The following MRTFA variants were observed in gnomAD, a reference collection of about 807,000 sequenced individuals.
MRTFA encodes myocardin-related transcription factor A.
MRTFA carries 20 observed loss-of-function variants against 83.5 expected under a neutral mutation model. The observed-to-expected ratio is 0.24, with a 90% CI of 0.17 to 0.35. The LOEUF (loss-of-function observed/expected upper bound fraction) is 0.35. Ranked by LOEUF, MRTFA falls within the 10% of genes least tolerant of loss-of-function variation. The pLI, the probability that MRTFA is intolerant of heterozygous loss-of-function variation, is 1.00. For missense variants in MRTFA, 1,200 were observed against 1,224.7 expected (o/e 0.98, Z 0.30); for synonymous variants, 659 against 541.2 (o/e 1.22, Z -3.02).
intron 3 of MRTFA, among the ~76,000 whole-genome samples, chr22:40,520,481 A>T (rs12169894): frequency 6.6e-6 from 1 of 151,840 alleles, no homozygotes; most frequent in Non-Finnish European, 1.5e-5. Flanking sequence ...ATCCCCGTTC[A>T]CTGCAACCTC....
Position 40,418,401 on chromosome 22 carries a change from A to G in MRTFA, c.2337T>C (p.Pro779=). 1.2e-6 allele frequency: 2 copies of G among 1,613,990 alleles called. No homozygotes were observed. Among genetic ancestry groups the G allele is most frequent in the East Asian group, 2.2e-5 (1 of 44,868 alleles). ...GCTGGGGGCTCCCACTGGACAGGCC[A>G]GGGCTGTCTGCATTCTTATTGGTCA... Residue 779 remains proline, a synonymous_variant, in exon 12 of 15, where the codon CCT becomes CCC. Transcript: ENST00000355630.
At position 40,609,482 on chromosome 22, in the gene MRTFA, C is replaced by CAAAAAA. The variant is rs148106089; in HGVS notation, c.-83-14753_-83-14748dup. Among the ~76,000 whole-genome samples, 7 of 69,714 alleles carry CAAAAAA rather than the reference C, an allele frequency of 1.0e-4. No individual in the cohort carries two copies. In the East Asian group the frequency reaches 1.9e-3, roughly 19 times the overall value. The allele number at this position is 69,714 out of a possible 152,430, so 45.7% of individuals were successfully genotyped here. On this transcript the variant is annotated intron_variant, in intron 1 of 14. Coordinates refer to ENST00000355630, the MANE Select transcript of MRTFA (RefSeq NM_020831.6). ...ACAGAGTGAGACCCTGTCTCTTTAA[C>CAAAAAA]AAAAAAAAAAAAAAAAAAAAAACAC...
intron 3 of MRTFA, among the ~76,000 whole-genome samples, chr22:40,540,232 G>A (rs1259932018): frequency 1.2e-4 from 19 of 152,112 alleles, no homozygotes; most frequent in Admixed American, 1.2e-3. Context: ...TTTTTGAAAG[G>A]AGTATTTCAC....
Position 40,424,211 on chromosome 22 carries a change from T to A in MRTFA, c.772A>T (p.Thr258Ser). The change falls in exon 8 of 15, where the codon ACC (threonine) becomes TCC (serine). Residue 258 changes from threonine (T) to serine (S), a missense_variant. Around this residue, in one of 2 missense-constraint regions of MRTFA, gnomAD observed 1,107 missense variants for 1,041.8 expected, o/e 1.06. Coordinates refer to ENST00000355630, the MANE Select transcript of MRTFA (RefSeq NM_020831.6). ...ATCTGGAAGCACACACTCACCTGGG[T>A]GGGGGATGCAGAGGTGGCACTGAGC... 6.3e-7 allele frequency: 1 copy of A among 1,594,630 alleles called. No homozygotes were observed. Among genetic ancestry groups the A allele is most frequent in the East Asian group, 2.3e-5 (1 of 43,988 alleles).
intron 2 of MRTFA, among the ~76,000 whole-genome samples, chr22:40,571,409 CTAGA>C: frequency 6.6e-6 from 1 of 152,130 alleles, no homozygotes. Flanking sequence ...AAGGAAAAAA[CTAGA>C]TAAACAGGAG....
intron 5 of MRTFA, among the ~76,000 whole-genome samples, 181 bp downstream of exon 5, chr22:40,435,318 G>C (rs2053146978): frequency 6.6e-6 from 1 of 152,164 alleles, no homozygotes; most frequent in Non-Finnish European, 1.5e-5. Flanking sequence ...AATGAGAGAA[G>C]GGATGAAGTA....
Position 40,424,199 on chromosome 22 carries a change from C to T in MRTFA, c.777+7G>A, listed in dbSNP as rs200474478. 3 of 1,587,478 alleles carry T rather than the reference C, an allele frequency of 1.9e-6. No homozygotes were observed. Among genetic ancestry groups the T allele is most frequent in the Admixed American group, 1.9e-5 (1 of 53,442 alleles). ...AGCTGGGGAAGCATCTGGAAGCACA[C>T]ACTCACCTGGGTGGGGGATGCAGAG... is the stretch of plus-strand genomic sequence containing the variant. On this transcript the variant is annotated splice_region_variant and intron_variant, in intron 8 of 14. Coordinates refer to ENST00000355630, the MANE Select transcript of MRTFA (RefSeq NM_020831.6).
intron 3 of MRTFA, among the ~76,000 whole-genome samples, chr22:40,480,746 T>TC (rs1277637018): frequency 7.0e-6 from 1 of 143,068 alleles, no homozygotes; most frequent in East Asian, 2.0e-4. Context: ...TTCAAGACTT[T>TC]TTTTTTTTTT....
chr22:40,481,714 G>A (rs1465323999), intron 3 of MRTFA, among the ~76,000 whole-genome samples: 4 of 152,100 alleles, frequency 2.6e-5, no homozygotes, highest in Non-Finnish European at 4.4e-5. Flanking sequence ...GAAATTGCAA[G>A]TGCAAAGGCA....
At chr22:40,596,341 A>G (rs532928339) in intron 1 of MRTFA, among the ~76,000 whole-genome samples, 2 of 152,318 alleles carry the variant, frequency 1.3e-5, no homozygotes, top group South Asian at 4.1e-4. Context: ...AACAATTCCC[A>G]ATTAAATAAA....
chr22:40,492,452 T>C (rs778527560), intron 3 of MRTFA, among the ~76,000 whole-genome samples: 4 of 152,152 alleles, frequency 2.6e-5, no homozygotes, highest in Non-Finnish European at 5.9e-5. Flanking sequence ...ATGATTTCAA[T>C]GTGTAGAGCT....
chr22:40,588,006 G>T, intron 2 of MRTFA: 1 of 208,738 alleles, frequency 4.8e-6, no homozygotes. Context: ...CCATGGGAAG[G>T]TGAGAAGGCC....
intron 3 of MRTFA, among the ~76,000 whole-genome samples, chr22:40,467,869 T>A (rs1288508789): frequency 6.6e-6 from 1 of 152,214 alleles, no homozygotes; most frequent in Non-Finnish European, 1.5e-5. Context: ...ATATATCATG[T>A]TTCTAAATGG....
At chr22:40,435,267 C>A (rs1292691100) in intron 5 of MRTFA, among the ~76,000 whole-genome samples, 1 of 152,126 alleles carries the variant, frequency 6.6e-6, no homozygotes, top group Non-Finnish European at 1.5e-5. Context: ...AAAAGAGAAA[C>A]CTCATTCCAA....
intron 1 of MRTFA, among the ~76,000 whole-genome samples, chr22:40,614,449 T>C (rs978233834): frequency 6.6e-6 from 1 of 151,818 alleles, no homozygotes; most frequent in Non-Finnish European, 1.5e-5. Flanking sequence ...CTTGCAATTA[T>C]GTTGAGTATC....
chr22:40,528,937 A>G (rs1000428192), intron 3 of MRTFA, among the ~76,000 whole-genome samples: 1 of 152,050 alleles, frequency 6.6e-6, no homozygotes, highest in Non-Finnish European at 1.5e-5. Context: ...ATTCCAAGAC[A>G]ATTCTTCTTC....
At chr22:40,531,071 C>A (rs1270539183) in intron 3 of MRTFA, among the ~76,000 whole-genome samples, 1 of 151,916 alleles carries the variant, frequency 6.6e-6, no homozygotes, top group African/African-American at 2.4e-5. Context: ...TCCAAAGGAC[C>A]AGTAAGAGAC....
intron 3 of MRTFA, among the ~76,000 whole-genome samples, chr22:40,514,010 G>C (rs536156376): frequency 2.0e-4 from 30 of 152,054 alleles, no homozygotes; most frequent in Non-Finnish European, 3.4e-4. Context: ...CCAACACTTT[G>C]GGAGGCCGAG....
chr22:40,479,386 C>G (rs186706334), intron 3 of MRTFA, among the ~76,000 whole-genome samples: 1 of 152,116 alleles, frequency 6.6e-6, no homozygotes, highest in Non-Finnish European at 1.5e-5. Flanking sequence ...CCTCCTCACA[C>G]CCAACTATAA....
Sources: allele counts gnomAD v4.1 joint callset (sites outside exome capture counted in the v4.1 genomes callset), GRCh38; gene constraint gnomAD v4.1.1; regional missense constraint gnomAD v4.1.1; transcripts MANE v1.5; gene names NCBI Gene and HGNC (gene_info 2026-07-23, HGNC 2026-07-21).